EGF: variants seen among roughly 807,000 people sequenced by gnomAD.
EGF encodes the protein pro-epidermal growth factor.
Under a neutral mutation model 143.8 loss-of-function variants are expected in EGF, and 95 were observed. That is an observed-to-expected ratio of 0.66 (90% CI 0.56 to 0.78). EGF has a LOEUF of 0.78. EGF is among the 30% of genes least tolerant of loss of function. EGF has a pLI of 0.00. For missense variants in EGF, 1,320 were observed against 1,470.9 expected, an observed-to-expected ratio of 0.90 and a Z score of 1.68; for synonymous variants, 510 against 510.5, an observed-to-expected ratio of 1.00 and a Z score of 0.01.
chr4:109,939,673 A>G (rs1741574768), intron 1 of EGF, among the ~76,000 whole-genome samples: 1 of 152,184 alleles, frequency 6.6e-6, no homozygotes, highest in South Asian at 2.1e-4. Context: ...GCCATCTTGG[A>G]AGCGCCAACC....
At chr4:109,937,686 G>T (rs563719523) in intron 1 of EGF, among the ~76,000 whole-genome samples, 1 of 152,194 alleles carries the variant, frequency 6.6e-6, no homozygotes, top group South Asian at 2.1e-4. Flanking sequence ...CTTCTTTCGG[G>T]AGCTCTTGTA....
rs753326587 is a variant in EGF, at chr4:110,011,415, G to A, written c.3584G>A (p.Arg1195Lys). ...LLSANPLWQQ[R>K]ALDPPHQMEL... ...TCAGCTAACCCATTATGGCAACAAAGGGCCCTGGACCCACCACACCAAATG... is the reference window on the plus strand; with the variant it reads ...TCAGCTAACCCATTATGGCAACAAAAGGCCCTGGACCCACCACACCAAATG... Residue 1195 changes from arginine (R) to lysine (K), a missense_variant, in exon 24 of 24, where the codon AGG (arginine) becomes AAG (lysine). Coordinates refer to ENST00000265171, the MANE Select transcript of EGF (RefSeq NM_001963.6). 12 of 1,614,034 alleles carry A rather than the reference G, an allele frequency of 7.4e-6. No individual in the cohort carries two copies. In the East Asian group the frequency reaches 2.7e-4, roughly 36 times the overall value.
At chr4:109,955,430 A>G (rs1255048522) in intron 5 of EGF, among the ~76,000 whole-genome samples, 1 of 152,048 alleles carries the variant, frequency 6.6e-6, no homozygotes, top group Non-Finnish European at 1.5e-5. Flanking sequence ...AGAAAATATA[A>G]CCCTCAATCC....
At position 109,999,837 on chromosome 4, in the gene EGF, A is replaced by C; in HGVS notation, c.3164A>C (p.His1055Pro). The change falls in exon 21 of 24, where the codon CAC becomes CCC. Residue 1055 changes from histidine (H) to proline (P), a missense_variant. His to Pro is a moderately conservative substitution (Grantham distance 77). Transcript: ENST00000265171. ...CTCCTCCTGAGCCTGTGGGGGGCCCACTACTACAGGTGACCCTGTCTTTCC... is the reference window on the plus strand; with the variant it reads ...CTCCTCCTGAGCCTGTGGGGGGCCCCCTACTACAGGTGACCCTGTCTTTCC... Reference protein sequence around the residue: ...MLLLLSLWGAHYYRTQKLLSK... With the variant: ...MLLLLSLWGAPYYRTQKLLSK... 1 of 1,613,388 alleles carries C rather than the reference A, an allele frequency of 6.2e-7. No homozygotes were observed. Among genetic ancestry groups the C allele is most frequent in the Non-Finnish European group, 8.5e-7 (1 of 1,180,028 alleles).
Position 109,980,910 on chromosome 4 carries a change from A to T in EGF, c.2306A>T (p.Glu769Val). 6.2e-7 allele frequency: 1 copy of T among 1,614,136 alleles called. No individual in the cohort carries two copies. The highest frequency in any genetic ancestry group is 8.5e-7 in the Non-Finnish European group (1 of 1,180,000). The change falls in exon 15 of 24, where the codon GAA (glutamate) becomes GTA (valine). Residue 769 changes from glutamate to valine, a missense_variant. By Grantham distance (121) the Glu-to-Val change is moderately radical. Coordinates refer to ENST00000265171, the MANE Select transcript of EGF (RefSeq NM_001963.6). ...GGAACTGCTTGGTGTTCGTGTCGTG[A>T]AGGTTTTATGAAAGCCTCAGATGGG... ...RLGTAWCSCR[E>V]GFMKASDGKT...
intron 1 of EGF, among the ~76,000 whole-genome samples, chr4:109,918,482 C>G (rs1464412525): frequency 6.6e-6 from 1 of 152,104 alleles, no homozygotes; most frequent in Non-Finnish European, 1.5e-5. Flanking sequence ...TGACCTGCAC[C>G]TCTATCATAT....
chr4:109,915,949 C>A (rs1038710667), intron 1 of EGF, among the ~76,000 whole-genome samples: 2 of 152,208 alleles, frequency 1.3e-5, no homozygotes, highest in African/African-American at 4.8e-5. Flanking sequence ...TGAGCTACAG[C>A]AGGTGAGGAC....
chr4:109,946,447 C>T (rs574670636), intron 5 of EGF, among the ~76,000 whole-genome samples: 6 of 152,314 alleles, frequency 3.9e-5, no homozygotes, highest in Non-Finnish European at 7.3e-5. Flanking sequence ...TTTGCAGTCT[C>T]TCTTCCTTGG....
At chr4:109,980,307 A>T (rs369614623) in intron 14 of EGF, among the ~76,000 whole-genome samples, 168 bp downstream of exon 14, 22 of 152,166 alleles carry the variant, frequency 1.4e-4, no homozygotes, top group African/African-American at 5.3e-4. Flanking sequence ...ACAATCTGGT[A>T]GTTTGGTAAT....
At chr4:109,914,159 C>A (rs1358939468) in intron 1 of EGF, among the ~76,000 whole-genome samples, 2 of 152,162 alleles carry the variant, frequency 1.3e-5, no homozygotes, top group Non-Finnish European at 2.9e-5. Context: ...GAATTACAAT[C>A]CTGCCAAAGG....
At chr4:109,944,095 A>G in intron 4 of EGF, 26 bp downstream of exon 4, 1 of 1,604,890 alleles carries the variant, frequency 6.2e-7, no homozygotes, top group Admixed American at 1.7e-5. Context: ...GGTATAAAAT[A>G]AAACAATTGT....
In EGF at chr4:109,963,988, C is replaced by T. The variant is rs11568960; in HGVS notation, c.1439-413C>T. Among the ~76,000 whole-genome samples, 694 of 152,210 alleles carry T rather than the reference C, an allele frequency of 4.6e-3. 3 individuals are homozygous for T. Among genetic ancestry groups the T allele is most frequent in the Middle Eastern group, 0.027 (8 of 294 alleles). On this transcript the variant is annotated intron_variant, in intron 9 of 23. Coordinates refer to ENST00000265171, the MANE Select transcript of EGF (RefSeq NM_001963.6). The stretch of plus-strand genomic sequence containing the variant: ...GCTATTAACTCAAATCATTGTGCCT[C>T]CCTTTAAGAAGTGCCCAGGCCAGGG...
rs200379290 is a variant in EGF, at chr4:109,941,117, G to T, written c.299G>T (p.Arg100Ile). 1 of 1,613,940 alleles carries T rather than the reference G, an allele frequency of 6.2e-7. No homozygotes were observed. Among genetic ancestry groups the T allele is most frequent in the African/African-American group, 1.3e-5 (1 of 75,022 alleles). ...WVDLERQLLQ[R>I]VFLNGSRQER... ...GATTTAGAAAGACAACTTTTGCAAA[G>T]AGTTTTTCTGAATGGGTCAAGGCAA... The change falls in exon 2 of 24, where the codon AGA becomes ATA. Residue 100 changes from arginine to isoleucine, a missense_variant. Transcript: ENST00000265171.
Position 109,988,703 on chromosome 4 carries a change from T to C in EGF, c.2728T>C (p.Cys910Arg), listed in dbSNP as rs1463274356. The change falls in exon 18 of 24, where the codon TGT becomes CGT. Residue 910 changes from cysteine (C) to arginine (R), a missense_variant. By Grantham distance (180) the Cys-to-Arg change is radical. Coordinates refer to ENST00000265171, the MANE Select transcript of EGF (RefSeq NM_001963.6). Reference protein sequence around the residue: ...SEGYQGDGIHCLDIDECQLGE... With the variant: ...SEGYQGDGIHRLDIDECQLGE... ...AGGCTACCAAGGAGATGGGATTCAC[T>C]GTCTTGGTAAGAGGACACATGTGCT... 6.2e-7 allele frequency: 1 copy of C among 1,613,936 alleles called. No homozygotes were observed. The highest frequency in any genetic ancestry group is 1.7e-5 in the Admixed American group (1 of 60,012).
intron 14 of EGF, 83 bp downstream of exon 14, chr4:109,980,222 G>A (rs771716284): frequency 3.7e-5 from 52 of 1,401,014 alleles, no homozygotes; most frequent in Non-Finnish European, 5.0e-5. Flanking sequence ...CAGTTGGCGG[G>A]GGGGTGGAGG....
chr4:109,983,806 A>G (rs1295450770), intron 16 of EGF, among the ~76,000 whole-genome samples: 1 of 152,220 alleles, frequency 6.6e-6, no homozygotes, highest in African/African-American at 2.4e-5. Context: ...CTTGGAAACA[A>G]AAGTAAAACA....
In EGF at chr4:110,011,256, C is replaced by T. The variant is rs534595203; in HGVS notation, c.3425C>T (p.Thr1142Ile). The T allele has an allele frequency of 9.3e-6, 15 of 1,614,016 alleles. No homozygotes were observed. Among genetic ancestry groups the T allele is most frequent in the Non-Finnish European group, 1.3e-5 (15 of 1,180,016 alleles). The stretch of plus-strand genomic sequence containing the variant: ...GAGCCCCAGTTATGTGGAATGGGCA[C>T]AGAGCAAGGCTGCTGGATTCCAGTA... ...RQEPQLCGMG[T>I]EQGCWIPVSS... Residue 1142 changes from threonine to isoleucine, a missense_variant, in exon 24 of 24, where the codon ACA (threonine) becomes ATA (isoleucine). This residue lies in a region of EGF where 1,186 missense variants were observed against 1,313.7 expected (regional missense o/e 0.90). Coordinates refer to ENST00000265171, the MANE Select transcript of EGF (RefSeq NM_001963.6).
intron 5 of EGF, among the ~76,000 whole-genome samples, chr4:109,949,853 T>A (rs992289821): frequency 3.9e-5 from 6 of 152,158 alleles, no homozygotes; most frequent in African/African-American, 1.4e-4. Flanking sequence ...GATTGATTTG[T>A]TGGTTTGAAC....
At chr4:110,005,505 T>C (rs1383248729) in intron 22 of EGF, among the ~76,000 whole-genome samples, 1 of 152,230 alleles carries the variant, frequency 6.6e-6, no homozygotes, top group East Asian at 1.9e-4. Flanking sequence ...ATACTGAAAG[T>C]TCAAATTTAA....
Sources: allele counts gnomAD v4.1 joint callset (sites outside exome capture counted in the v4.1 genomes callset), GRCh38; gene constraint gnomAD v4.1.1; regional missense constraint gnomAD v4.1.1; transcripts MANE v1.5; gene names NCBI Gene and HGNC (gene_info 2026-07-23, HGNC 2026-07-21).